ATP8B1: variants seen among roughly 807,000 people sequenced by gnomAD.
ATP8B1 encodes phospholipid-transporting ATPase IC.
Under a neutral mutation model 149.9 loss-of-function variants are expected in ATP8B1, and 80 were observed. That is an observed-to-expected ratio of 0.53 (90% CI 0.45 to 0.64). The LOEUF is 0.64. Among genes scored for constraint, ATP8B1 ranks in the 30% least tolerant of loss-of-function variants. The pLI, the probability that ATP8B1 is intolerant of heterozygous loss-of-function variation, is 0.00. For missense variants in ATP8B1, 1,247 were observed against 1,552.6 expected (o/e 0.80, Z 3.31); for synonymous variants, 536 against 562.8 (o/e 0.95, Z 0.67).
At chr18:57,674,446 G>A (rs183270743) in intron 16 of ATP8B1, among the ~76,000 whole-genome samples, 103 of 148,088 alleles carry the variant, frequency 7.0e-4, no homozygotes, top group African/African-American at 2.5e-3. Flanking sequence ...ATGCAGTGGC[G>A]CGATGTCGGC....
At chr18:57,776,686 TAAA>T (rs751542237) in intron 1 of ATP8B1, among the ~76,000 whole-genome samples, 8 of 111,496 alleles carry the variant, frequency 7.2e-5, no homozygotes, top group Admixed American at 1.9e-4. Flanking sequence ...ACCAAGTCAC[TAAA>T]AAAAAAAAAA....
In ATP8B1 at chr18:57,661,245, AG is replaced by A; in HGVS notation, c.2635del (p.Leu879TrpfsTer2). On this transcript the variant is annotated frameshift_variant, in exon 22 of 28. Transcript: ENST00000648908. LOFTEE classifies it high-confidence loss of function. ...TPKQKAMVVD[L>X]VKRYKKAITL... ...GATGGCTTTCTTGTACCTCTTCACCAGGTCCACCACCATGGCCTTCTGCTTG... is the reference window on the plus strand; with the variant it reads ...GATGGCTTTCTTGTACCTCTTCACCAGTCCACCACCATGGCCTTCTGCTTG... 12 of 1,613,974 alleles carry A rather than the reference AG, an allele frequency of 7.4e-6. No individual in the cohort carries two copies. Among genetic ancestry groups the A allele is most frequent in the Non-Finnish European group, 1.0e-5 (12 of 1,179,986 alleles).
At chr18:57,701,460 C>T in intron 4 of ATP8B1, 147 bp from the exon 5 acceptor site, 4 of 766,018 alleles carry the variant, frequency 5.2e-6, no homozygotes, top group Non-Finnish European at 9.0e-6. Flanking sequence ...AGGAAAGGCT[C>T]TTCAAGCATT....
At chr18:57,714,709 A>G (rs374506314) in intron 2 of ATP8B1, among the ~76,000 whole-genome samples, 4 of 152,206 alleles carry the variant, frequency 2.6e-5, no homozygotes, top group African/African-American at 9.6e-5. Flanking sequence ...ATTCTTCCAG[A>G]TAGTCTGCAA....
Position 57,662,504 on chromosome 18 carries a change from T to TA in ATP8B1, c.2396dup (p.Leu799PhefsTer10). 6.2e-7 allele frequency: 1 copy of TA among 1,614,150 alleles called. No individual in the cohort carries two copies. The highest frequency in any genetic ancestry group is 8.5e-7 in the Non-Finnish European group (1 of 1,180,026). On this transcript the variant is annotated frameshift_variant, in exon 21 of 28. Transcript: ENST00000648908. LOFTEE classifies it high-confidence loss of function. ...GTACCAACCAAGAACCAGTGATGATTAAGGCACGGTTTCCACCGGGTGGAA... is the reference window on the plus strand; with the variant it reads ...GTACCAACCAAGAACCAGTGATGATTAAAGGCACGGTTTCCACCGGGTGGAA...
At chr18:57,771,531 G>A (rs1055785919) in intron 1 of ATP8B1, among the ~76,000 whole-genome samples, 3 of 152,284 alleles carry the variant, frequency 2.0e-5, no homozygotes, top group Admixed American at 1.3e-4. Context: ...AAATCAGGCT[G>A]ACAAGTTACA....
chr18:57,674,907 CA>C lies in ATP8B1; in HGVS notation c.1745del (p.Leu582ArgfsTer26). ...GAACATTGTAAGTCCTTTCAGTGCC[CA>C]GTTCACTGATGGTGATGGTGTTCTG... ...RTQNTITISE[L>X]GTERTYNVLA... On this transcript the variant is annotated frameshift_variant, in exon 16 of 28. Transcript: ENST00000648908. LOFTEE classifies it high-confidence loss of function. 1 of 1,614,230 alleles carries C rather than the reference CA, an allele frequency of 6.2e-7. No homozygotes were observed. Among genetic ancestry groups the C allele is most frequent in the Non-Finnish European group, 8.5e-7 (1 of 1,180,040 alleles).
Position 57,648,222 on chromosome 18 carries a change from G to A in ATP8B1, c.*266C>T, listed in dbSNP as rs1335269417. On this transcript the variant is annotated 3_prime_UTR_variant, in exon 28 of 28. Coordinates refer to ENST00000648908, the MANE Select transcript of ATP8B1 (RefSeq NM_001374385.1). ...GCTGGTCTCGAACTCCTGGCCTCAG[G>A]TGATCTCCCCTCCTCAGCCTCCTAA... is the stretch of plus-strand genomic sequence containing the variant. The A allele has an allele frequency of 5.4e-6, 3 of 552,150 alleles. No individual in the cohort carries two copies. In the Admixed American group the frequency reaches 9.0e-5, roughly 17 times the overall value. 34.2% of individuals were successfully genotyped at this position (552,150 alleles called of 1,614,324 possible). A position where few individuals can be genotyped will look rare whatever the true frequency, so the allele number is the denominator to read the frequency against.
chr18:57,753,222 C>T (rs1193029618), intron 1 of ATP8B1, among the ~76,000 whole-genome samples: 1 of 152,194 alleles, frequency 6.6e-6, no homozygotes, highest in Non-Finnish European at 1.5e-5. Context: ...CTCAGCAAAC[C>T]ACCTTGATCA....
chr18:57,712,118 G>C (rs918262749), intron 2 of ATP8B1, among the ~76,000 whole-genome samples: 3 of 151,440 alleles, frequency 2.0e-5, no homozygotes, highest in Non-Finnish European at 2.9e-5. Context: ...CGCACGAATT[G>C]TAATTCCCAT....
At chr18:57,796,840 C>T (rs993502273) in intron 1 of ATP8B1, among the ~76,000 whole-genome samples, 7 of 152,180 alleles carry the variant, frequency 4.6e-5, no homozygotes, top group Non-Finnish European at 1.0e-4. Context: ...GCGTGTGCCA[C>T]CAGGGTTTCA....
chr18:57,744,425 GA>G (rs1318101143), intron 1 of ATP8B1, among the ~76,000 whole-genome samples: 2 of 150,626 alleles, frequency 1.3e-5, no homozygotes, highest in African/African-American at 4.9e-5. Flanking sequence ...GAAAATGAAG[GA>G]AAAAAAAAGT....
In ATP8B1 at chr18:57,784,242, G is replaced by A. The variant is rs1470390069; in HGVS notation, c.-26+18756C>T. ...TGCAGGGGGAAGCCGGGGTCAGGGC[G>A]GGCTGGGCATAGAGAGCTGTGGAGA... is the stretch of plus-strand genomic sequence containing the variant. On this transcript the variant is annotated intron_variant, in intron 1 of 27. Coordinates refer to ENST00000648908, the MANE Select transcript of ATP8B1 (RefSeq NM_001374385.1). This position sits in a 1 kb window ranked among gnomAD's most constrained non-coding sequence, Gnocchi z 4.4. Among the ~76,000 whole-genome samples the A allele has an allele frequency of 6.6e-6, 1 of 152,152 alleles. No individual in the cohort carries two copies. The highest frequency in any genetic ancestry group is 1.5e-5 in the Non-Finnish European group (1 of 68,026).
rs1909669348 is a variant in ATP8B1 at position 57,652,244 on chromosome 18, C to T, written c.3262-72G>A. 14 of 1,587,056 alleles carry T rather than the reference C, an allele frequency of 8.8e-6. No homozygotes were observed. In the South Asian group the frequency reaches 1.6e-4, roughly 18 times the overall value. On this transcript the variant is annotated intron_variant, in intron 25 of 27. Transcript: ENST00000648908. ...GCAAGAAATAAAGGATCTAACAATC[C>T]TGAAAACAGAATTCAGCAAGTTAGG...
chr18:57,777,560 T>C (rs1012718891), intron 1 of ATP8B1, among the ~76,000 whole-genome samples: 1 of 152,194 alleles, frequency 6.6e-6, no homozygotes, highest in African/African-American at 2.4e-5. Flanking sequence ...AAACTGACAC[T>C]TTATTTTTTA....
chr18:57,715,941 T>A (rs1171584628), intron 2 of ATP8B1, among the ~76,000 whole-genome samples: 1 of 152,172 alleles, frequency 6.6e-6, no homozygotes, highest in Non-Finnish European at 1.5e-5. Context: ...AAACCCAGAA[T>A]AGTATAACAC....
At chr18:57,709,259 G>A (rs1913572283) in intron 2 of ATP8B1, among the ~76,000 whole-genome samples, 1 of 152,178 alleles carries the variant, frequency 6.6e-6, no homozygotes, top group Non-Finnish European at 1.5e-5. Context: ...GAGCTCCATG[G>A]ACAGACACAC....
chr18:57,761,820 C>T (rs2123330772), intron 1 of ATP8B1, among the ~76,000 whole-genome samples: 1 of 151,106 alleles, frequency 6.6e-6, no homozygotes, highest in East Asian at 2.0e-4. Flanking sequence ...CATGGTGGTA[C>T]ACACCTGTAG....
At chr18:57,779,139 A>G (rs1321146747) in intron 1 of ATP8B1, among the ~76,000 whole-genome samples, 1 of 152,106 alleles carries the variant, frequency 6.6e-6, no homozygotes, top group Non-Finnish European at 1.5e-5. Flanking sequence ...CCCAGGCAAC[A>G]TAGCAAAACC....
Sources: gnomAD v4.1 joint callset for allele counts (sites outside exome capture counted in the v4.1 genomes callset) on GRCh38, gnomAD v4.1.1 for gene constraint, Gnocchi (gnomAD v3.1) non-coding constraint, MANE v1.5 for transcripts, NCBI Gene and HGNC (gene_info 2026-07-23, HGNC 2026-07-21) for gene names.